CDIN1: variants seen among roughly 807,000 people sequenced by gnomAD.
CDIN1 encodes the protein CDAN1 interacting nuclease 1.
In CDIN1, 33 loss-of-function variants were observed where a neutral mutation model predicts 45.3. That is an observed-to-expected ratio of 0.73 (90% confidence interval 0.55 to 0.97). CDIN1 has a LOEUF of 0.97. CDIN1 is among the 50% of genes least tolerant of loss of function. The pLI, the probability that CDIN1 is intolerant of heterozygous loss-of-function variation, is 0.00. For synonymous variants in CDIN1, 118 were observed against 124.4 expected (o/e 0.95, Z 0.34); for missense variants, 303 against 339.4 (o/e 0.89, Z 0.84).
Position 36,596,620 on chromosome 15 carries a change from T to C in CDIN1, c.101+16659T>C, listed in dbSNP as rs1462286866. ...TGTATTTCTTATGCTGTAATGTTTC[T>C]TTAAAAATTATAATTTTTAAATGTT... On this transcript the variant is annotated intron_variant, in intron 1 of 10. Coordinates refer to ENST00000566621, the MANE Select transcript of CDIN1 (RefSeq NM_001321759.2). Among the ~76,000 whole-genome samples the C allele has an allele frequency of 2.6e-5, 4 of 152,280 alleles. No homozygotes were observed. The East Asian group carries it at 5.8e-4, about 22-fold the overall frequency.
At chr15:36,791,920 T>G (rs2054655022) in intron 10 of CDIN1, among the ~76,000 whole-genome samples, 1 of 152,184 alleles carries the variant, frequency 6.6e-6, no homozygotes. Flanking sequence ...CTTCAAATAT[T>G]ATCTTGCATT....
Position 36,645,335 on chromosome 15 carries a change from G to C in CDIN1, c.212+48G>C, listed in dbSNP as rs374445938. 176 of 1,338,930 alleles carry C rather than the reference G, an allele frequency of 1.3e-4. No individual in the cohort carries two copies. In the African/African-American group the frequency reaches 2.5e-3, roughly 19 times the overall value. 82.9% of individuals were successfully genotyped at this position (1,338,930 alleles called of 1,614,324 possible). On this transcript the variant is annotated intron_variant, in intron 3 of 10. Transcript: ENST00000566621. The stretch of plus-strand genomic sequence containing the variant: ...GAGGGTATCATAGTACCTATTAATT[G>C]TAATAATAATTATGAATAAGTTAGG...
intron 10 of CDIN1, among the ~76,000 whole-genome samples, chr15:36,803,165 G>A (rs555661172): frequency 6.6e-6 from 1 of 151,554 alleles, no homozygotes; most frequent in East Asian, 1.9e-4. Flanking sequence ...GCAGCTTCAG[G>A]AACCCAATAA....
intron 10 of CDIN1, among the ~76,000 whole-genome samples, chr15:36,782,788 A>G (rs140379543): frequency 3.2e-4 from 48 of 152,336 alleles, no homozygotes; most frequent in African/African-American, 8.2e-4. Context: ...GCCATTTCCT[A>G]TAAGACTGTT....
At chr15:36,726,264 T>C (rs1056616845) in intron 10 of CDIN1, among the ~76,000 whole-genome samples, 2 of 152,200 alleles carry the variant, frequency 1.3e-5, no homozygotes, top group African/African-American at 2.4e-5. Flanking sequence ...TTTCAAATGG[T>C]GTCATGTCAC....
intron 10 of CDIN1, among the ~76,000 whole-genome samples, chr15:36,745,073 T>C (rs1213800619): frequency 6.6e-6 from 1 of 152,216 alleles, no homozygotes; most frequent in Non-Finnish European, 1.5e-5. Context: ...AAATGCATCT[T>C]AATGGAAACC....
At chr15:36,808,188 A>G in intron 10 of CDIN1, 136 bp from the exon 11 acceptor site, 1 of 1,179,246 alleles carries the variant, frequency 8.5e-7, no homozygotes, top group Non-Finnish European at 1.2e-6. Context: ...GGCTATTTTC[A>G]GTCACAATGG....
chr15:36,696,614 C>A (rs2042435106), intron 7 of CDIN1: 2 of 152,052 alleles, frequency 1.3e-5, no homozygotes, highest in South Asian at 2.1e-4. Context: ...AGAGCGGGAG[C>A]CTTGCTACCT....
At chr15:36,774,001 G>A (rs1402668564) in intron 10 of CDIN1, among the ~76,000 whole-genome samples, 2 of 152,196 alleles carry the variant, frequency 1.3e-5, no homozygotes, top group Non-Finnish European at 2.9e-5. Context: ...GTTGAACTGC[G>A]AAGAGATTTC....
chr15:36,729,465 C>A (rs2043761958), intron 10 of CDIN1, among the ~76,000 whole-genome samples: 1 of 152,076 alleles, frequency 6.6e-6, no homozygotes, highest in South Asian at 2.1e-4. Context: ...TCTAGCCTGT[C>A]TTTTGATTAG....
intron 10 of CDIN1, among the ~76,000 whole-genome samples, chr15:36,769,264 A>T (rs541576396): frequency 6.6e-6 from 1 of 152,284 alleles, no homozygotes; most frequent in African/African-American, 2.4e-5. Flanking sequence ...GACTCATGTG[A>T]TTGTGGGGGT....
chr15:36,775,708 A>G (rs1335376189), intron 10 of CDIN1, among the ~76,000 whole-genome samples: 4 of 47,994 alleles, frequency 8.3e-5, no homozygotes, highest in East Asian at 4.4e-3. Flanking sequence ...CCAGATTTAC[A>G]CAGGGACAAT....
chr15:36,680,710 A>G (rs967380212), intron 5 of CDIN1, among the ~76,000 whole-genome samples: 3 of 152,172 alleles, frequency 2.0e-5, no homozygotes, highest in African/African-American at 7.2e-5. Context: ...AAAAAGGACT[A>G]GAAAAACTCT....
intron 5 of CDIN1, among the ~76,000 whole-genome samples, chr15:36,659,966 C>CTTTTTTTTTTTTTTTTTTTTTTTTTTTTT (rs778988517): frequency 1.9e-5 from 2 of 105,150 alleles, no homozygotes; most frequent in Non-Finnish European, 3.6e-5. Context: ...CCTTCCTTTT[C>CTTTTTTTTTTTTTTTTTTTTTTTTTTTTT]TTTTTTTTTT....
In CDIN1 at chr15:36,643,415, G is replaced by A. The variant is rs954189459; in HGVS notation, c.102-863G>A. Among the ~76,000 whole-genome samples the A allele has an allele frequency of 5.3e-5, 8 of 152,116 alleles. 1 individual carries two copies. Among genetic ancestry groups the A allele is most frequent in the Non-Finnish European group, 1.0e-4 (7 of 68,016 alleles). On this transcript the variant is annotated intron_variant, in intron 1 of 10. Transcript: ENST00000566621. Reference sequence around the variant, plus strand: ...AGTATTTTGGCATACTATAAAAGTCGAATTATCTAAAATGTAATCTAGTCA... The same window carrying A: ...AGTATTTTGGCATACTATAAAAGTCAAATTATCTAAAATGTAATCTAGTCA...
intron 1 of CDIN1, chr15:36,627,358 G>A (rs952191371): frequency 6.3e-6 from 1 of 158,964 alleles, no homozygotes; most frequent in African/African-American, 2.4e-5. Flanking sequence ...TGAGTCTGAA[G>A]TGGTCCTTGT....
intron 1 of CDIN1, 39 bp from the exon 2 acceptor site, chr15:36,644,239 C>T (rs1440739035): frequency 5.0e-6 from 8 of 1,601,592 alleles, no homozygotes; most frequent in Admixed American, 1.7e-5. Flanking sequence ...TTGCCGTGCA[C>T]TCCAGTAATT....
intron 10 of CDIN1, among the ~76,000 whole-genome samples, chr15:36,740,571 A>G (rs1045169608): frequency 1.2e-4 from 18 of 152,132 alleles, no homozygotes; most frequent in African/African-American, 4.1e-4. Flanking sequence ...AAATCTCGTA[A>G]TTCTTCAAAT....
At chr15:36,728,737 A>C (rs2043732753) in intron 10 of CDIN1, among the ~76,000 whole-genome samples, 1 of 152,046 alleles carries the variant, frequency 6.6e-6, no homozygotes, top group African/African-American at 2.4e-5. Flanking sequence ...GCAGTGGCAC[A>C]ATCTCGGCTC....
Sources: gnomAD v4.1 joint callset for allele counts (sites outside exome capture counted in the v4.1 genomes callset) on GRCh38, gnomAD v4.1.1 for gene constraint, MANE v1.5 for transcripts, NCBI Gene and HGNC (gene_info 2026-07-23, HGNC 2026-07-21) for gene names.